The following PMF1 variants were observed in gnomAD, a reference collection of about 807,000 sequenced individuals.
PMF1 encodes the protein polyamine modulated factor 1, also known as polyamine-modulated factor 1.
PMF1 carries 21 observed loss-of-function variants against 26.7 expected under a neutral mutation model. The ratio of observed to expected loss-of-function variants is 0.79; its 90% CI spans 0.56 to 1.13. The LOEUF is 1.13. PMF1 is among the 50% of genes most tolerant of loss of function. The pLI, the probability that PMF1 is intolerant of heterozygous loss-of-function variation, is 0.00. For missense variants in PMF1, 266 were observed against 254.9 expected (o/e 1.04, Z -0.30); for synonymous variants, 105 against 101.0 (o/e 1.04, Z -0.24).
intron 1 of PMF1, 66 bp from the exon 2 acceptor site, chr1:156,232,254 C>T: frequency 6.9e-7 from 1 of 1,443,124 alleles, no homozygotes; most frequent in Non-Finnish European, 9.7e-7. Flanking sequence ...GCGGAGGTAC[C>T]CAGGCAGGCT....
chr1:156,236,199 A>C (rs1397742029), intron 3 of PMF1, 89 bp from the exon 4 acceptor site: 3 of 1,522,356 alleles, frequency 2.0e-6, no homozygotes, highest in African/African-American at 1.4e-5. Flanking sequence ...CAAGGTGGGC[A>C]TGTCACCGAG....
chr1:156,235,688 G>T (rs970126769), intron 3 of PMF1, among the ~76,000 whole-genome samples: 1 of 152,044 alleles, frequency 6.6e-6, no homozygotes, highest in Non-Finnish European at 1.5e-5. Flanking sequence ...TGATCTGCCT[G>T]CCTTGGCCTC....
intron 1 of PMF1, among the ~76,000 whole-genome samples, chr1:156,228,402 T>C (rs534997975): frequency 1.3e-5 from 2 of 151,880 alleles, no homozygotes; most frequent in East Asian, 1.9e-4. Flanking sequence ...CTTCTTCCTG[T>C]ACTCACTGAC....
intron 1 of PMF1, among the ~76,000 whole-genome samples, chr1:156,219,267 C>G (rs1010321228): frequency 9.2e-5 from 14 of 152,158 alleles, no homozygotes; most frequent in Non-Finnish European, 4.4e-5. Context: ...ATCTAGGTCA[C>G]AAAGATAATC....
Position 156,213,044 on chromosome 1 carries a change from G to T in PMF1, c.29G>T (p.Gly10Val). ...GCCGAAGCAAGTAGCGCCAATCTAG[G>T]CAGCGGCTGTGAGGAAAAAAGGCAT... MAEASSANL[G>V]SGCEEKRHEG... Residue 10 changes from glycine to valine, a missense_variant, in exon 1 of 5, where the codon GGC (glycine) becomes GTC (valine). By Grantham distance (109) the Gly-to-Val change is moderately radical. Coordinates refer to ENST00000368277, the MANE Select transcript of PMF1 (RefSeq NM_007221.4). 1 of 1,614,222 alleles carries T rather than the reference G, an allele frequency of 6.2e-7. No homozygotes were observed. The highest frequency in any genetic ancestry group is 1.3e-5 in the African/African-American group (1 of 75,060).
intron 1 of PMF1, among the ~76,000 whole-genome samples, chr1:156,222,155 G>A (rs1286013113): frequency 3.3e-5 from 5 of 152,176 alleles, no homozygotes; most frequent in Admixed American, 3.3e-4. Flanking sequence ...CCAAGTCAGG[G>A]CCGTGGGAGT....
chr1:156,219,477 G>T (rs755295171), intron 1 of PMF1, among the ~76,000 whole-genome samples: 9 of 152,132 alleles, frequency 5.9e-5, no homozygotes, highest in Non-Finnish European at 1.2e-4. Flanking sequence ...ATGTCCCTGA[G>T]TCTCTCTCCT....
rs554055975 is a variant in PMF1 at position 156,224,719 on chromosome 1, G to A, written c.162-7601G>A. 2.1e-3 allele frequency among the ~76,000 whole-genome samples: 319 copies of A among 151,646 alleles called. 1 individual carries two copies. The highest frequency in any genetic ancestry group is 3.0e-3 in the Non-Finnish European group (201 of 67,852). On this transcript the variant is annotated intron_variant, in intron 1 of 4. Coordinates refer to ENST00000368277, the MANE Select transcript of PMF1 (RefSeq NM_007221.4). ...GCGGAGCTTGTAGTGAGCCGAGATC[G>A]CGCCACTGCACTCCAGCCTGGGCGA... is the stretch of plus-strand genomic sequence containing the variant.
chr1:156,231,704 A>C (rs1166897271), intron 1 of PMF1, among the ~76,000 whole-genome samples: 1 of 152,028 alleles, frequency 6.6e-6, no homozygotes, highest in Admixed American at 6.6e-5. Context: ...TGCCTCAAGA[A>C]AAAAAAAGGA....
At chr1:156,225,308 T>TAA (rs1553279854) in intron 1 of PMF1, among the ~76,000 whole-genome samples, 10 of 133,826 alleles carry the variant, frequency 7.5e-5, no homozygotes, top group Non-Finnish European at 1.1e-4. Flanking sequence ...TTTTTTTTTT[T>TAA]AATTTCAGTA....
chr1:156,217,088 T>G (rs1444061487), intron 1 of PMF1, among the ~76,000 whole-genome samples: 46 of 138,796 alleles, frequency 3.3e-4, no homozygotes, highest in African/African-American at 7.8e-4. Flanking sequence ...TGTGGTGGGG[T>G]TGGGGGAGCG....
chr1:156,236,728 A>G, intron 4 of PMF1: 1 of 567,690 alleles, frequency 1.8e-6, no homozygotes. Context: ...GGAGCAGGTG[A>G]GGACCCAGGC....
rs371056996 is a variant in PMF1, at chr1:156,219,127, C to T, written c.161+5951C>T. Among the ~76,000 whole-genome samples the T allele has an allele frequency of 3.0e-4, 45 of 151,870 alleles. No individual in the cohort carries two copies. The South Asian group carries it at 6.9e-3, about 23-fold the overall frequency. ...GAGACCGGGGTTTCACCATTTTGGC[C>T]AGGCTGGTCTCAAACTCCTGACCTC... On this transcript the variant is annotated intron_variant, in intron 1 of 4. Transcript: ENST00000368277.
In PMF1 at chr1:156,213,093, G is replaced by C; in HGVS notation, c.78G>C (p.Val26=). 6.2e-7 allele frequency: 1 copy of C among 1,614,222 alleles called. No homozygotes were observed. The highest frequency in any genetic ancestry group is 2.2e-5 in the East Asian group (1 of 44,886). The change falls in exon 1 of 5, where the codon GTG becomes GTC. Residue 26 remains valine, a synonymous_variant. Coordinates refer to ENST00000368277, the MANE Select transcript of PMF1 (RefSeq NM_007221.4). ...ATGAGGGGTCGTCTTCGGAATCTGT[G>C]CCACCCGGCACTACCATTTCGAGGG... ...KRHEGSSSES[V]PPGTTISRVK...
chr1:156,216,073 T>C, intron 1 of PMF1, among the ~76,000 whole-genome samples: 1 of 151,476 alleles, frequency 6.6e-6, no homozygotes, highest in East Asian at 1.9e-4. Flanking sequence ...CTTCTTGGAG[T>C]AGACATTCTG....
In PMF1 at chr1:156,213,058, G is replaced by GA. The variant is rs1303725538; in HGVS notation, c.49dup (p.Arg17LysfsTer3). 10 of 1,614,072 alleles carry GA rather than the reference G, an allele frequency of 6.2e-6. No individual in the cohort carries two copies. The highest frequency in any genetic ancestry group is 1.3e-5 in the African/African-American group (1 of 74,934). ...CGCCAATCTAGGCAGCGGCTGTGAG[G>GA]AAAAAAGGCATGAGGGGTCGTCTTC... On this transcript the variant is annotated frameshift_variant, in exon 1 of 5. Transcript: ENST00000368277. LOFTEE classifies it high-confidence loss of function.
intron 1 of PMF1, among the ~76,000 whole-genome samples, chr1:156,214,432 ATAAT>A (rs1657570773): frequency 6.6e-6 from 1 of 152,152 alleles, no homozygotes; most frequent in East Asian, 1.9e-4. Flanking sequence ...TTTCCTACGC[ATAAT>A]TAATGATTTG....
chr1:156,214,020 C>T (rs908602901), intron 1 of PMF1, among the ~76,000 whole-genome samples: 1 of 152,060 alleles, frequency 6.6e-6, no homozygotes, highest in Non-Finnish European at 1.5e-5. Flanking sequence ...CAAAGGATTC[C>T]CCTGCCTCAG....
At chr1:156,225,148 CCT>C (rs1462579295) in intron 1 of PMF1, among the ~76,000 whole-genome samples, 1 of 152,094 alleles carries the variant, frequency 6.6e-6, no homozygotes, top group Non-Finnish European at 1.5e-5. Context: ...AATCCGCCCA[CCT>C]CAGCCTCCCA....
Sources: gnomAD v4.1 joint callset for allele counts (sites outside exome capture counted in the v4.1 genomes callset) on GRCh38, gnomAD v4.1.1 for gene constraint, MANE v1.5 for transcripts, NCBI Gene and HGNC (gene_info 2026-07-23, HGNC 2026-07-21) for gene names.